Variants in GRID1 observed in about 807,000 individuals in gnomAD.
GRID1 encodes glutamate receptor ionotropic, delta-1.
Under a neutral mutation model 98.0 loss-of-function variants are expected in GRID1, and 28 were observed. The observed-to-expected ratio is 0.29, with a 90% confidence interval of 0.21 to 0.39. The LOEUF is 0.39. GRID1 is among the 10% of genes least tolerant of loss of function. The pLI is 1.00. For missense variants in GRID1, 1,111 were observed against 1,340.5 expected (o/e 0.83, Z 2.67); for synonymous variants, 553 against 538.5 (o/e 1.03, Z -0.37).
intron 8 of GRID1, among the ~76,000 whole-genome samples, chr10:85,755,508 G>A (rs1360465963): frequency 6.6e-6 from 1 of 152,190 alleles, no homozygotes. Context: ...CATGCTAGTG[G>A]TCAAAGCAAG....
intron 8 of GRID1, among the ~76,000 whole-genome samples, chr10:85,798,933 A>G (rs996503674): frequency 6.6e-6 from 1 of 152,088 alleles, no homozygotes; most frequent in Non-Finnish European, 1.5e-5. Context: ...GCCTAGACCA[A>G]TGTCATGAAG....
chr10:86,009,082 G>C (rs1842896415), intron 4 of GRID1, among the ~76,000 whole-genome samples: 1 of 152,182 alleles, frequency 6.6e-6, no homozygotes, highest in Non-Finnish European at 1.5e-5. Context: ...GCAATGATGA[G>C]ATTGTGTCAC....
intron 4 of GRID1, among the ~76,000 whole-genome samples, chr10:86,083,069 G>A (rs1487387755): frequency 6.6e-6 from 1 of 152,164 alleles, no homozygotes; most frequent in Non-Finnish European, 1.5e-5. Flanking sequence ...CACATAGTGG[G>A]GGCTCAGTAA....
chr10:86,353,362 G>A (rs1213633250), intron 2 of GRID1, among the ~76,000 whole-genome samples: 1 of 152,256 alleles, frequency 6.6e-6, no homozygotes, highest in East Asian at 1.9e-4. Context: ...GGCTCTTTCT[G>A]CTAAACATGC....
At chr10:86,363,820 C>T in intron 2 of GRID1, 121 bp downstream of exon 2, 1 of 819,356 alleles carries the variant, frequency 1.2e-6, no homozygotes, top group Non-Finnish European at 1.9e-6. Context: ...CATGGCACCG[C>T]GGCTGCCGAG....
intron 2 of GRID1, among the ~76,000 whole-genome samples, chr10:86,321,057 G>A (rs1343530339): frequency 6.8e-6 from 1 of 147,498 alleles, no homozygotes; most frequent in African/African-American, 2.5e-5. Context: ...CCAAGATCGC[G>A]CCACTGCACT....
At chr10:85,886,731 A>G (rs903902774) in intron 5 of GRID1, among the ~76,000 whole-genome samples, 3 of 152,264 alleles carry the variant, frequency 2.0e-5, no homozygotes, top group Admixed American at 6.5e-5. Context: ...CAAATAAAAT[A>G]GTAAGGATCT....
At chr10:86,087,510 CTGTGTGTGTG>C (rs60644459) in intron 4 of GRID1, among the ~76,000 whole-genome samples, 2 of 140,982 alleles carry the variant, frequency 1.4e-5, no homozygotes, top group South Asian at 2.3e-4. Context: ...GTGTGTGTGT[CTGTGTGTGTG>C]TGTGTGTGTG....
At chr10:85,647,126 G>T in intron 13 of GRID1, 76 bp downstream of exon 13, 2 of 1,138,334 alleles carry the variant, frequency 1.8e-6, no homozygotes, top group Non-Finnish European at 1.3e-6. Context: ...TGCCCCTGGA[G>T]GTGTCTCCCA....
At chr10:85,665,715 G>C (rs1190240048) in intron 12 of GRID1, among the ~76,000 whole-genome samples, 3 of 152,132 alleles carry the variant, frequency 2.0e-5, no homozygotes, top group African/African-American at 7.2e-5. Context: ...GAAGGAAAAT[G>C]GTGCAAAACA....
At chr10:86,281,343 A>G (rs1589435940) in intron 2 of GRID1, among the ~76,000 whole-genome samples, 1 of 152,176 alleles carries the variant, frequency 6.6e-6, no homozygotes, top group Non-Finnish European at 1.5e-5. Flanking sequence ...GCAGAGCTGC[A>G]CCTATTGCAG....
At chr10:86,198,959 A>G (rs149203499) in intron 3 of GRID1, among the ~76,000 whole-genome samples, 131 of 152,274 alleles carry the variant, frequency 8.6e-4, no homozygotes, top group African/African-American at 3.1e-3. Flanking sequence ...TACCCTATAG[A>G]TGAAGAGGCT....
intron 8 of GRID1, among the ~76,000 whole-genome samples, chr10:85,840,288 G>A (rs527842512): frequency 1.1e-4 from 16 of 151,984 alleles, no homozygotes; most frequent in African/African-American, 3.9e-4. Context: ...CCAAAACCTG[G>A]CAGAGATACA....
At chr10:86,270,050 A>G (rs960357024) in intron 2 of GRID1, among the ~76,000 whole-genome samples, 4 of 152,356 alleles carry the variant, frequency 2.6e-5, no homozygotes, top group Middle Eastern at 3.4e-3. Flanking sequence ...TTCCTGGAAC[A>G]GCGTTTATAA....
intron 3 of GRID1, among the ~76,000 whole-genome samples, chr10:86,171,580 G>A (rs780886818): frequency 2.6e-5 from 4 of 152,162 alleles, no homozygotes; most frequent in African/African-American, 7.2e-5. Flanking sequence ...AAAAGAGGAG[G>A]TTCTGCAGAG....
At chr10:86,331,028 G>A (rs963886382) in intron 2 of GRID1, among the ~76,000 whole-genome samples, 3 of 152,252 alleles carry the variant, frequency 2.0e-5, no homozygotes, top group Non-Finnish European at 2.9e-5. Flanking sequence ...GGAACACCAT[G>A]AGAGAAGGGC....
intron 4 of GRID1, among the ~76,000 whole-genome samples, chr10:86,026,385 T>C (rs1843117686): frequency 6.6e-6 from 1 of 152,222 alleles, no homozygotes; most frequent in Non-Finnish European, 1.5e-5. Flanking sequence ...AATACTGAAT[T>C]GTCCATTTCT....
intron 4 of GRID1, among the ~76,000 whole-genome samples, chr10:86,093,779 T>C (rs1219623323): frequency 1.3e-5 from 2 of 152,178 alleles, no homozygotes; most frequent in African/African-American, 4.8e-5. Flanking sequence ...AAAGAATTAT[T>C]GGCATCAATC....
intron 6 of GRID1, among the ~76,000 whole-genome samples, chr10:85,860,523 T>C (rs1334518736): frequency 3.3e-5 from 5 of 152,178 alleles, no homozygotes; most frequent in Admixed American, 3.3e-4. Flanking sequence ...ATGGGCTCTA[T>C]TGTAAGTGAG....
Sources: gnomAD v4.1 joint callset for allele counts (sites outside exome capture counted in the v4.1 genomes callset) on GRCh38, gnomAD v4.1.1 for gene constraint, MANE v1.5 for transcripts, NCBI Gene and HGNC (gene_info 2026-07-23, HGNC 2026-07-21) for gene names.